Variants in RABGAP1L observed in about 807,000 individuals in gnomAD.
RABGAP1L encodes RAB GTPase activating protein 1 like.
RABGAP1L carries 63 observed loss-of-function variants against 137.7 expected under a neutral mutation model. The ratio of observed to expected loss-of-function variants is 0.46; its 90% CI spans 0.37 to 0.56. The LOEUF is 0.56. Among genes scored for constraint, RABGAP1L ranks in the 20% least tolerant of loss-of-function variants. The pLI is 0.00. For missense variants in RABGAP1L, 1,095 were observed against 1,244.0 expected, an observed-to-expected ratio of 0.88 and a Z score of 1.80; for synonymous variants, 431 against 433.7, an observed-to-expected ratio of 0.99 and a Z score of 0.08.
rs546736924 is a variant in RABGAP1L, at chr1:174,479,343, G to C, written c.1710+85198G>C. Among the ~76,000 whole-genome samples, 3 of 152,322 alleles carry C rather than the reference G, an allele frequency of 2.0e-5. No individual in the cohort carries two copies. The South Asian group carries it at 6.2e-4, about 32-fold the overall frequency. On this transcript the variant is annotated intron_variant, in intron 13 of 25. Transcript: ENST00000681986. ...GGCAGTGGTTCTCAAACTTTAGCATGCATGAGAATCACTTGGGAGAATGTT... is the reference window on the plus strand; with the variant it reads ...GGCAGTGGTTCTCAAACTTTAGCATCCATGAGAATCACTTGGGAGAATGTT...
intron 1 of RABGAP1L, among the ~76,000 whole-genome samples, chr1:174,178,089 A>G (rs1164914087): frequency 1.3e-5 from 2 of 152,170 alleles, no homozygotes; most frequent in Admixed American, 1.3e-4. Context: ...CATTTTCACG[A>G]CATTGATTCT....
At chr1:174,495,050 G>A (rs1459151128) in intron 13 of RABGAP1L, among the ~76,000 whole-genome samples, 2 of 152,166 alleles carry the variant, frequency 1.3e-5, no homozygotes, top group Middle Eastern at 3.4e-3. Flanking sequence ...TGAATTGCCT[G>A]TGGTTAGCTT....
chr1:174,467,805 A>C (rs1033114510), intron 13 of RABGAP1L, among the ~76,000 whole-genome samples: 1 of 152,114 alleles, frequency 6.6e-6, no homozygotes, highest in African/African-American at 2.4e-5. Flanking sequence ...CTCCCCTACT[A>C]TTTGGCAGTT....
chr1:174,336,798 A>G (rs1681510768), intron 11 of RABGAP1L, among the ~76,000 whole-genome samples: 1 of 152,006 alleles, frequency 6.6e-6, no homozygotes. Context: ...TTTCCATGCA[A>G]TAATCTTGGC....
At chr1:174,407,039 T>C (rs1649360401) in intron 13 of RABGAP1L, among the ~76,000 whole-genome samples, 2 of 152,190 alleles carry the variant, frequency 1.3e-5, no homozygotes, top group African/African-American at 4.8e-5. Flanking sequence ...GTGTGGTGAG[T>C]TCTCTCTAGG....
intron 17 of RABGAP1L, among the ~76,000 whole-genome samples, chr1:174,727,284 A>G (rs1309002601): frequency 2.0e-5 from 3 of 152,168 alleles, no homozygotes; most frequent in African/African-American, 7.2e-5. Context: ...TTTCATTGCT[A>G]TAGGATCATA....
At chr1:174,327,992 T>TATATATATATATATATATACAC (rs1680656657) in intron 11 of RABGAP1L, among the ~76,000 whole-genome samples, 1 of 57,614 alleles carries the variant, frequency 1.7e-5, no homozygotes, top group African/African-American at 8.1e-5. Context: ...CACACATATA[T>TATATATATATATATATATACAC]ATATATATAT....
At chr1:174,243,576 A>G (rs1672009470) in intron 5 of RABGAP1L, among the ~76,000 whole-genome samples, 3 of 152,184 alleles carry the variant, frequency 2.0e-5, no homozygotes, top group African/African-American at 7.2e-5. Flanking sequence ...CTAAATGAGG[A>G]ATAACCCAAT....
At chr1:174,424,273 C>A (rs1244431380) in intron 13 of RABGAP1L, among the ~76,000 whole-genome samples, 1 of 151,950 alleles carries the variant, frequency 6.6e-6, no homozygotes, top group Admixed American at 6.6e-5. Context: ...CCTTTATGTG[C>A]CTTATTTTCA....
At chr1:174,766,411 A>G (rs772867543) in intron 18 of RABGAP1L, among the ~76,000 whole-genome samples, 12 of 152,216 alleles carry the variant, frequency 7.9e-5, no homozygotes, top group African/African-American at 2.7e-4. Flanking sequence ...TCAGTTGACC[A>G]TGGACAGTTT....
chr1:174,431,088 T>C (rs1445318671), intron 13 of RABGAP1L, among the ~76,000 whole-genome samples: 1 of 152,188 alleles, frequency 6.6e-6, no homozygotes, highest in East Asian at 1.9e-4. Flanking sequence ...TAAAAATGAA[T>C]GTGAACCAAC....
intron 19 of RABGAP1L, among the ~76,000 whole-genome samples, chr1:174,849,354 A>G (rs1647802017): frequency 6.6e-6 from 1 of 152,172 alleles, no homozygotes; most frequent in Non-Finnish European, 1.5e-5. Context: ...GATTCAGGAT[A>G]TTTCCCAAGG....
intron 19 of RABGAP1L, among the ~76,000 whole-genome samples, chr1:174,833,425 T>G (rs1354399653): frequency 7.7e-5 from 9 of 117,002 alleles, no homozygotes; most frequent in African/African-American, 1.7e-4. Flanking sequence ...TGTGTGTGTA[T>G]ATATATATGT....
At chr1:174,446,584 C>T (rs903395338) in intron 13 of RABGAP1L, among the ~76,000 whole-genome samples, 1 of 152,180 alleles carries the variant, frequency 6.6e-6, no homozygotes, top group Non-Finnish European at 1.5e-5. Flanking sequence ...GGATTCTATC[C>T]TGGCAGCCTT....
chr1:174,696,609 G>T (rs1188192303), intron 15 of RABGAP1L, among the ~76,000 whole-genome samples: 1 of 152,158 alleles, frequency 6.6e-6, no homozygotes, highest in South Asian at 2.1e-4. Context: ...TCCTTGTTGT[G>T]TGCCTGCTAA....
chr1:174,877,291 C>T, intron 19 of RABGAP1L: 1 of 886,244 alleles, frequency 1.1e-6, no homozygotes, highest in Admixed American at 2.3e-5. Context: ...TAGTTTCCTA[C>T]TGGGGGTGAA....
chr1:174,534,767 T>A (rs1445791900), intron 13 of RABGAP1L, among the ~76,000 whole-genome samples: 1 of 85,058 alleles, frequency 1.2e-5, no homozygotes, highest in Non-Finnish European at 2.1e-5. Context: ...AGAGCGAAAC[T>A]CTGTCTCCAA....
chr1:174,556,045 T>C (rs1353051009), intron 13 of RABGAP1L, among the ~76,000 whole-genome samples: 1 of 147,688 alleles, frequency 6.8e-6, no homozygotes, highest in Admixed American at 6.9e-5. Context: ...TCACCAAGGC[T>C]AGAGTGCAGT....
At chr1:174,387,530 C>T (rs1046239707) in intron 12 of RABGAP1L, among the ~76,000 whole-genome samples, 11 of 148,236 alleles carry the variant, frequency 7.4e-5, no homozygotes, top group Admixed American at 1.4e-4. Flanking sequence ...TAAGCTGAGA[C>T]TCCCATTGGG....
Sources: gnomAD v4.1 joint callset for allele counts (sites outside exome capture counted in the v4.1 genomes callset) on GRCh38, gnomAD v4.1.1 for gene constraint, MANE v1.5 for transcripts, NCBI Gene and HGNC (gene_info 2026-07-23, HGNC 2026-07-21) for gene names.